The following CCDC85A variants were observed in gnomAD, a reference collection of about 807,000 sequenced individuals.
The protein encoded by CCDC85A is coiled-coil domain-containing protein 85A.
Under a neutral mutation model 50.2 loss-of-function variants are expected in CCDC85A, and 38 were observed. That is an observed-to-expected ratio of 0.76 (90% CI 0.58 to 0.99). The LOEUF is 0.99. Among genes scored for constraint, CCDC85A ranks in the 50% least tolerant of loss-of-function variants. CCDC85A has a pLI of 0.00. For missense variants in CCDC85A, 820 were observed against 742.0 expected, an observed-to-expected ratio of 1.11 and a Z score of -1.22; for synonymous variants, 366 against 301.4, an observed-to-expected ratio of 1.21 and a Z score of -2.22.
rs201507627 is a variant in CCDC85A at position 56,381,533 on chromosome 2, C to CT, written c.1573-2732dup. Among the ~76,000 whole-genome samples the CT allele has an allele frequency of 3.5e-3, 533 of 152,180 alleles. 5 individuals carry two copies. Among genetic ancestry groups the CT allele is most frequent in the Middle Eastern group, 0.017 (5 of 294 alleles). ...ACCCCTGGGTAAGAACCCGAACACT[C>CT]TAATTCTATATTTGAAGAAATTAAG... On this transcript the variant is annotated intron_variant, in intron 5 of 5. Coordinates refer to ENST00000407595, the MANE Select transcript of CCDC85A (RefSeq NM_001080433.2).
intron 2 of CCDC85A, among the ~76,000 whole-genome samples, chr2:56,247,345 T>C (rs1369316431): frequency 6.6e-6 from 1 of 152,200 alleles, no homozygotes; most frequent in Non-Finnish European, 1.5e-5. Flanking sequence ...ATTGCAGACA[T>C]GGGTCTTTTT....
chr2:56,327,041 C>T (rs2104280777), intron 2 of CCDC85A, among the ~76,000 whole-genome samples: 1 of 152,176 alleles, frequency 6.6e-6, no homozygotes, highest in Non-Finnish European at 1.5e-5. Flanking sequence ...TTTCTCAGAA[C>T]ATTGTAACAT....
chr2:56,367,317 GGGGT>G (rs1273769264), intron 3 of CCDC85A, among the ~76,000 whole-genome samples: 3 of 152,076 alleles, frequency 2.0e-5, no homozygotes, highest in African/African-American at 7.3e-5. Flanking sequence ...TTCTTATTTG[GGGGT>G]GGAAATGTGG....
At chr2:56,354,621 C>G (rs977257061) in intron 3 of CCDC85A, among the ~76,000 whole-genome samples, 1 of 152,116 alleles carries the variant, frequency 6.6e-6, no homozygotes, top group African/African-American at 2.4e-5. Context: ...AGAAGAAGCT[C>G]TTGTACATGA....
chr2:56,228,153 C>T (rs1217358490), intron 2 of CCDC85A, among the ~76,000 whole-genome samples: 2 of 152,176 alleles, frequency 1.3e-5, no homozygotes, highest in Non-Finnish European at 2.9e-5. Flanking sequence ...GCATTATTTT[C>T]TGGCCATGTC....
At chr2:56,280,998 A>G (rs182253238) in intron 2 of CCDC85A, among the ~76,000 whole-genome samples, 1 of 152,308 alleles carries the variant, frequency 6.6e-6, no homozygotes, top group East Asian at 1.9e-4. Context: ...ATATAATTTG[A>G]TGAGTTTTGG....
chr2:56,218,315 T>C (rs1261234176), intron 2 of CCDC85A, among the ~76,000 whole-genome samples: 1 of 151,872 alleles, frequency 6.6e-6, no homozygotes, highest in East Asian at 1.9e-4. Flanking sequence ...TGTAGTTCTC[T>C]AATTTTTTTA....
intron 2 of CCDC85A, among the ~76,000 whole-genome samples, chr2:56,308,864 C>G (rs1305610810): frequency 6.6e-6 from 1 of 152,038 alleles, no homozygotes; most frequent in African/African-American, 2.4e-5. Context: ...CGTGTAAATT[C>G]CAGGCTGTTG....
At chr2:56,291,300 A>T (rs920575617) in intron 2 of CCDC85A, among the ~76,000 whole-genome samples, 5 of 152,228 alleles carry the variant, frequency 3.3e-5, no homozygotes, top group African/African-American at 4.8e-5. Flanking sequence ...GCAAGTACTG[A>T]TGGAGACCTC....
intron 2 of CCDC85A, among the ~76,000 whole-genome samples, chr2:56,286,589 G>C (rs1671455011): frequency 6.6e-6 from 1 of 151,942 alleles, no homozygotes; most frequent in Non-Finnish European, 1.5e-5. Flanking sequence ...TCTCTGCTAA[G>C]ATTTCTCCAT....
At chr2:56,245,380 G>A (rs1046439994) in intron 2 of CCDC85A, among the ~76,000 whole-genome samples, 8 of 152,308 alleles carry the variant, frequency 5.3e-5, no homozygotes, top group African/African-American at 1.7e-4. Flanking sequence ...CCTCCCACAA[G>A]CCCACAGATT....
intron 2 of CCDC85A, among the ~76,000 whole-genome samples, chr2:56,260,009 A>G (rs1330613868): frequency 6.6e-6 from 1 of 152,208 alleles, no homozygotes; most frequent in Non-Finnish European, 1.5e-5. Flanking sequence ...TCATATTTGA[A>G]TAGGGGGATT....
chr2:56,253,253 G>T (rs1374590498), intron 2 of CCDC85A, among the ~76,000 whole-genome samples: 2 of 152,118 alleles, frequency 1.3e-5, no homozygotes, highest in African/African-American at 2.4e-5. Flanking sequence ...AACACCATAA[G>T]CTGCTTTAGA....
intron 3 of CCDC85A, among the ~76,000 whole-genome samples, chr2:56,362,943 C>T (rs1675607224): frequency 6.6e-6 from 1 of 151,898 alleles, no homozygotes; most frequent in Admixed American, 6.6e-5. Context: ...TTTTTAGTCT[C>T]CCAGAGGTAT....
At chr2:56,314,728 G>T (rs572548815) in intron 2 of CCDC85A, among the ~76,000 whole-genome samples, 1 of 152,150 alleles carries the variant, frequency 6.6e-6, no homozygotes, top group Admixed American at 6.6e-5. Context: ...TGCCATTTGA[G>T]CATACCCATG....
intron 2 of CCDC85A, among the ~76,000 whole-genome samples, chr2:56,287,811 C>T (rs977727764): frequency 6.6e-6 from 1 of 152,158 alleles, no homozygotes; most frequent in African/African-American, 2.4e-5. Context: ...CATTGTAGCA[C>T]CCAGCATACA....
At chr2:56,216,387 A>G (rs1677394681) in intron 2 of CCDC85A, among the ~76,000 whole-genome samples, 2 of 151,796 alleles carry the variant, frequency 1.3e-5, no homozygotes, top group Non-Finnish European at 2.9e-5. Flanking sequence ...GACTATATAT[A>G]TTAAGTAGAC....
intron 2 of CCDC85A, among the ~76,000 whole-genome samples, chr2:56,237,896 G>A (rs957709144): frequency 1.3e-5 from 2 of 152,162 alleles, no homozygotes; most frequent in African/African-American, 4.8e-5. Flanking sequence ...AGTGCCATGT[G>A]CTGTGTTATG....
At chr2:56,228,983 T>C (rs1273462740) in intron 2 of CCDC85A, among the ~76,000 whole-genome samples, 2 of 152,236 alleles carry the variant, frequency 1.3e-5, no homozygotes, top group Non-Finnish European at 2.9e-5. Context: ...AAATACACAG[T>C]TGAAATACAG....
Sources: gnomAD v4.1 joint callset for allele counts (sites outside exome capture counted in the v4.1 genomes callset) on GRCh38, gnomAD v4.1.1 for gene constraint, MANE v1.5 for transcripts, NCBI Gene and HGNC (gene_info 2026-07-23, HGNC 2026-07-21) for gene names.